The following DPP10 variants were observed in gnomAD, a reference collection of about 807,000 sequenced individuals.
DPP10 encodes dipeptidyl peptidase like 10.
A neutral mutation model predicts 120.9 loss-of-function variants in DPP10; 33 were observed. That is an observed-to-expected ratio of 0.27 (90% CI 0.21 to 0.37). The LOEUF is 0.37. Ranked by LOEUF, DPP10 falls within the 10% of genes least tolerant of loss-of-function variation. The pLI, the probability that DPP10 is intolerant of heterozygous loss-of-function variation, is 1.00. For synonymous variants in DPP10, 337 were observed against 326.1 expected (o/e 1.03, Z -0.36); for missense variants, 816 against 942.8 (o/e 0.87, Z 1.76).
chr2:114,816,519 G>A (rs1458092289), intron 1 of DPP10, among the ~76,000 whole-genome samples: 2 of 152,042 alleles, frequency 1.3e-5, no homozygotes, highest in Non-Finnish European at 2.9e-5. Flanking sequence ...AGGATCTAAG[G>A]CCTTCCTTGA....
rs10634118 is a variant in DPP10 at position 115,571,845 on chromosome 2, T to TTGTG, written c.441+45893_441+45896dup. The stretch of plus-strand genomic sequence containing the variant: ...TTTTATTATACTTTCCTCCAATATC[T>TTGTG]TGTGTGTGTGTGTGTGTGTGTGTTT... On this transcript the variant is annotated intron_variant, in intron 5 of 25. Coordinates refer to ENST00000410059, the MANE Select transcript of DPP10 (RefSeq NM_020868.6). Among the ~76,000 whole-genome samples the TTGTG allele has an allele frequency of 9.8e-3, 1,472 of 149,670 alleles. 6 individuals are homozygous for TTGTG. Among genetic ancestry groups the TTGTG allele is most frequent in the African/African-American group, 0.013 (520 of 40,814 alleles).
At chr2:115,538,707 A>G (rs532144315) in intron 5 of DPP10, among the ~76,000 whole-genome samples, 2 of 152,022 alleles carry the variant, frequency 1.3e-5, no homozygotes, top group Non-Finnish European at 2.9e-5. Flanking sequence ...TCAGGCTGTC[A>G]CATTAACTTT....
At chr2:115,485,868 T>C (rs10496495) in intron 3 of DPP10, among the ~76,000 whole-genome samples, 10,119 of 152,194 alleles carry the variant, frequency 0.066, 448 homozygotes, top group Middle Eastern at 0.12. Flanking sequence ...AGTTATGATA[T>C]TGCAATTTAT....
chr2:114,899,140 AC>A, intron 1 of DPP10, among the ~76,000 whole-genome samples: 1 of 151,954 alleles, frequency 6.6e-6, no homozygotes, highest in Middle Eastern at 3.4e-3. Context: ...GAAGGTTGTC[AC>A]ATTAGCTTAA....
intron 16 of DPP10, 37 bp from the exon 17 acceptor site, chr2:115,782,315 C>T (rs551303260): frequency 6.4e-7 from 1 of 1,559,738 alleles, no homozygotes; most frequent in Admixed American, 1.7e-5. Flanking sequence ...ACTTAGACAT[C>T]TTTAAAAATA....
chr2:115,385,032 T>G (rs2066813755), intron 3 of DPP10, among the ~76,000 whole-genome samples: 2 of 152,328 alleles, frequency 1.3e-5, no homozygotes, highest in South Asian at 2.1e-4. Context: ...TGCCACCATG[T>G]AAGAAGTGCC....
chr2:114,727,340 T>A (rs1184302776), intron 1 of DPP10, among the ~76,000 whole-genome samples: 1 of 152,164 alleles, frequency 6.6e-6, no homozygotes, highest in Non-Finnish European at 1.5e-5. Flanking sequence ...GCTGGGAACA[T>A]CAATCTCTCT....
At chr2:115,744,278 A>C (rs1170544690) in intron 9 of DPP10, among the ~76,000 whole-genome samples, 1 of 150,364 alleles carries the variant, frequency 6.7e-6, no homozygotes, top group Admixed American at 7.1e-5. Context: ...GTAAAGTTCA[A>C]CATACGAGAC....
chr2:114,481,415 A>G (rs1573454172), intron 1 of DPP10, among the ~76,000 whole-genome samples: 1 of 152,110 alleles, frequency 6.6e-6, no homozygotes, highest in East Asian at 1.9e-4. Context: ...TAGAGACAAC[A>G]CCAAATGCTA....
Position 115,584,071 on chromosome 2 carries a change from C to T in DPP10, c.441+58099C>T, listed in dbSNP as rs145130174. On this transcript the variant is annotated intron_variant, in intron 5 of 25. Transcript: ENST00000410059. ...ACAACGCCCGCCATCCCCATATCTA[C>T]TAAGTTTCCTAAGACCATGTTTCCC... 3.8e-3 allele frequency among the ~76,000 whole-genome samples: 579 copies of T among 152,306 alleles called. 2 individuals are homozygous for T. Among genetic ancestry groups the T allele is most frequent in the Non-Finnish European group, 6.4e-3 (435 of 68,028 alleles).
At chr2:114,532,356 CAT>C (rs1281779553) in intron 1 of DPP10, among the ~76,000 whole-genome samples, 5 of 139,240 alleles carry the variant, frequency 3.6e-5, no homozygotes, top group African/African-American at 5.5e-5. Context: ...ATATGTATAC[CAT>C]ATATATATGT....
At chr2:114,448,626 T>G (rs1678081295) in intron 1 of DPP10, among the ~76,000 whole-genome samples, 1 of 152,182 alleles carries the variant, frequency 6.6e-6, no homozygotes, top group African/African-American at 2.4e-5. Flanking sequence ...TGATCCATAT[T>G]GATGTTTTGG....
At chr2:115,095,898 AAAAC>A (rs553107996) in intron 1 of DPP10, among the ~76,000 whole-genome samples, 50 of 152,320 alleles carry the variant, frequency 3.3e-4, no homozygotes, top group Admixed American at 2.2e-3. Flanking sequence ...ATTTAAAAGA[AAAAC>A]AAACAAACAA....
At chr2:114,817,209 C>T (rs1216271317) in intron 1 of DPP10, among the ~76,000 whole-genome samples, 1 of 151,982 alleles carries the variant, frequency 6.6e-6, no homozygotes, top group Non-Finnish European at 1.5e-5. Flanking sequence ...ATGAGGCAGC[C>T]TCTGCCTTCT....
At chr2:115,152,166 C>G (rs1010678390) in intron 1 of DPP10, among the ~76,000 whole-genome samples, 1 of 152,150 alleles carries the variant, frequency 6.6e-6, no homozygotes, top group African/African-American at 2.4e-5. Context: ...CTGTAAGGTT[C>G]AAGACAGTAA....
intron 19 of DPP10, among the ~76,000 whole-genome samples, chr2:115,814,029 A>T (rs1047559145): frequency 6.6e-6 from 1 of 152,164 alleles, no homozygotes; most frequent in African/African-American, 2.4e-5. Flanking sequence ...CTTTTTCTGT[A>T]TTCTAGAAAA....
intron 1 of DPP10, among the ~76,000 whole-genome samples, chr2:114,568,259 T>C (rs1306088458): frequency 6.6e-6 from 1 of 152,096 alleles, no homozygotes. Context: ...TCAGGGTATT[T>C]GGGGTATCTA....
intron 1 of DPP10, among the ~76,000 whole-genome samples, chr2:114,942,380 TATATATATATACACACACACAC>T (rs1697018418): frequency 2.1e-5 from 1 of 47,874 alleles, no homozygotes; most frequent in Non-Finnish European, 4.2e-5. Context: ...TACACACACA[TATATATATATACACACACACAC>T]ATATATATAT....
At chr2:114,455,761 G>A (rs910277941) in intron 1 of DPP10, among the ~76,000 whole-genome samples, 4 of 146,602 alleles carry the variant, frequency 2.7e-5, no homozygotes, top group East Asian at 2.0e-4. Context: ...TTCATGCTCA[G>A]TAAAGTAGTA....
Sources: gnomAD v4.1 joint callset for allele counts (sites outside exome capture counted in the v4.1 genomes callset) on GRCh38, gnomAD v4.1.1 for gene constraint, MANE v1.5 for transcripts, NCBI Gene and HGNC (gene_info 2026-07-23, HGNC 2026-07-21) for gene names.